Variants in RB1CC1 observed in about 807,000 individuals in gnomAD.
RB1CC1 encodes the protein RB1-inducible coiled-coil protein 1.
In RB1CC1, 46 loss-of-function variants were observed where a neutral mutation model predicts 177.5. The observed-to-expected ratio is 0.26, with a 90% CI of 0.20 to 0.33. RB1CC1 has a LOEUF of 0.33. RB1CC1 is among the 10% of genes least tolerant of loss of function. The pLI, the probability that RB1CC1 is intolerant of heterozygous loss-of-function variation, is 1.00. For missense variants in RB1CC1, 1,703 were observed against 1,816.3 expected, an observed-to-expected ratio of 0.94 and a Z score of 1.13; for synonymous variants, 666 against 613.6, an observed-to-expected ratio of 1.09 and a Z score of -1.26.
At chr8:52,626,300 C>T (rs1848384993) in intron 22 of RB1CC1, among the ~76,000 whole-genome samples, 1 of 152,132 alleles carries the variant, frequency 6.6e-6, no homozygotes, top group Non-Finnish European at 1.5e-5. Flanking sequence ...TTCTGCAGTA[C>T]TTGTGAAAGC....
intron 15 of RB1CC1, among the ~76,000 whole-genome samples, chr8:52,647,400 C>T (rs940429416): frequency 2.6e-5 from 4 of 151,898 alleles, no homozygotes; most frequent in Non-Finnish European, 2.9e-5. Context: ...TTAATTAAGG[C>T]GAAGGATTTA....
At chr8:52,707,159 C>T (rs1856635253) in intron 1 of RB1CC1, among the ~76,000 whole-genome samples, 1 of 152,184 alleles carries the variant, frequency 6.6e-6, no homozygotes, top group Non-Finnish European at 1.5e-5. Context: ...ATAATCTATA[C>T]ATATATGGAA....
chr8:52,635,917 A>G (rs1395794314), intron 19 of RB1CC1, 98 bp downstream of exon 19: 3 of 1,418,172 alleles, frequency 2.1e-6, no homozygotes, highest in Admixed American at 2.5e-5. Flanking sequence ...CTTAATTTAT[A>G]AACACAAATA....
chr8:52,644,987 T>C (rs1443412878), intron 16 of RB1CC1, among the ~76,000 whole-genome samples: 1 of 152,194 alleles, frequency 6.6e-6, no homozygotes, highest in East Asian at 1.9e-4. Flanking sequence ...TCTTTCTCCA[T>C]GTTCCAGTGG....
At chr8:52,699,828 AAAATATAT>A (rs1175998084) in intron 1 of RB1CC1, among the ~76,000 whole-genome samples, 5 of 49,468 alleles carry the variant, frequency 1.0e-4, no homozygotes, top group South Asian at 1.3e-3. Flanking sequence ...AAAAAAAAAA[AAAATATAT>A]ATATATATAT....
intron 20 of RB1CC1, among the ~76,000 whole-genome samples, chr8:52,631,048 G>A (rs1372606848): frequency 6.6e-6 from 1 of 152,170 alleles, no homozygotes; most frequent in Non-Finnish European, 1.5e-5. Context: ...CCTATTGGCT[G>A]GGGTTGGACC....
intron 8 of RB1CC1, among the ~76,000 whole-genome samples, chr8:52,667,056 C>T (rs1300222783): frequency 6.6e-6 from 1 of 152,054 alleles, no homozygotes; most frequent in African/African-American, 2.4e-5. Context: ...CAAAGAATGC[C>T]ACATCTTGGC....
chr8:52,692,638 C>T (rs1004853062), intron 1 of RB1CC1, among the ~76,000 whole-genome samples: 1 of 152,114 alleles, frequency 6.6e-6, no homozygotes, highest in Non-Finnish European at 1.5e-5. Flanking sequence ...GAAAAAAGAA[C>T]ATGAACATAC....
chr8:52,675,734 A>AAAAAAAAAAAC (rs1853055531), intron 6 of RB1CC1, among the ~76,000 whole-genome samples: 1 of 149,980 alleles, frequency 6.7e-6, no homozygotes. Context: ...AAAAAAAAAA[A>AAAAAAAAAAAC]AAATTAGCTG....
Position 52,656,669 on chromosome 8 carries a change from A to C in RB1CC1, c.3160T>G (p.Ser1054Ala), listed in dbSNP as rs780622176. 12 of 1,613,950 alleles carry C rather than the reference A, an allele frequency of 7.4e-6. No homozygotes were observed. The South Asian group carries it at 1.3e-4, about 18-fold the overall frequency. ...ACCTCTAACTTGCATCTCGTGTCTG[A>C]CAAATCAGAAACCTTGAGTTTTAAT... ...QELKLKVSDL[S>A]DTRCKLEVEL... The change falls in exon 15 of 24, where the codon TCA (serine) becomes GCA (alanine). Residue 1054 changes from serine (S) to alanine (A), a missense_variant. Ser to Ala is a moderately conservative substitution (Grantham distance 99). Coordinates refer to ENST00000025008, the MANE Select transcript of RB1CC1 (RefSeq NM_014781.5).
chr8:52,687,925 T>C (rs1449094911), intron 1 of RB1CC1, among the ~76,000 whole-genome samples: 1 of 152,214 alleles, frequency 6.6e-6, no homozygotes, highest in Non-Finnish European at 1.5e-5. Context: ...TTGTGGGAAG[T>C]CAGGGACCCC....
At chr8:52,670,327 AACCACAG>A (rs1852452815) in intron 7 of RB1CC1, among the ~76,000 whole-genome samples, 1 of 152,236 alleles carries the variant, frequency 6.6e-6, no homozygotes, top group Non-Finnish European at 1.5e-5. Context: ...CATATATGTA[AACCACAG>A]AATCTCATTA....
intron 15 of RB1CC1, among the ~76,000 whole-genome samples, chr8:52,653,802 G>C (rs1244502191): frequency 1.3e-5 from 2 of 152,154 alleles, no homozygotes; most frequent in Non-Finnish European, 2.9e-5. Flanking sequence ...GATCCAATGA[G>C]CATTTCCTTT....
rs1848140899 is a variant in RB1CC1, at chr8:52,622,728, T to C, written c.*1054A>G. ...AAAGATCTAGTTTACACAATTCTAT[T>C]CTACATAACACTGTTTACCCTGTTA... On this transcript the variant is annotated 3_prime_UTR_variant, in exon 24 of 24. Coordinates refer to ENST00000025008, the MANE Select transcript of RB1CC1 (RefSeq NM_014781.5). The C allele has an allele frequency of 6.6e-6, 1 of 152,044 alleles. No individual in the cohort carries two copies. Among genetic ancestry groups the C allele is most frequent in the Non-Finnish European group, 1.5e-5 (1 of 67,568 alleles). The allele number at this position is 152,044 out of a possible 1,614,324, so 9.4% of individuals were successfully genotyped here. A position where few individuals can be genotyped will look rare whatever the true frequency, so the allele number is the denominator to read the frequency against.
chr8:52,642,427 A>T lies in RB1CC1; in HGVS notation c.4261T>A (p.Ser1421Thr). 6.2e-7 allele frequency: 1 copy of T among 1,614,024 alleles called. No individual in the cohort carries two copies. The highest frequency in any genetic ancestry group is 8.5e-7 in the Non-Finnish European group (1 of 1,179,972). ...GCTGTTTCCACAGCGGATCTATCTG[A>T]TTCACCTGGGAGTTCAGGTGCACAA... ...GACAPELPGESDRSAVETADE... is the reference protein window; with the variant it reads ...GACAPELPGETDRSAVETADE... Residue 1421 changes from serine (S) to threonine (T), a missense_variant, in exon 18 of 24, where the codon TCA becomes ACA. Physicochemically the swap from Ser to Thr is moderately conservative, Grantham distance 58. This residue lies in a region of RB1CC1 where 1,169 missense variants were observed against 1,184.7 expected (regional missense o/e 0.99). Transcript: ENST00000025008.
chr8:52,669,080 A>C (rs571020843), intron 7 of RB1CC1, among the ~76,000 whole-genome samples: 1 of 152,184 alleles, frequency 6.6e-6, no homozygotes, highest in Non-Finnish European at 1.5e-5. Context: ...GATCAGTCTC[A>C]CAGATTCTCA....
intron 1 of RB1CC1, among the ~76,000 whole-genome samples, chr8:52,698,670 G>GTTTTTTTTTTTT (rs1183407164): frequency 1.0e-4 from 8 of 77,464 alleles, no homozygotes; most frequent in Non-Finnish European, 1.2e-4. Flanking sequence ...GTAATGGTTG[G>GTTTTTTTTTTTT]TTTTTTTTTT....
chr8:52,626,413 G>A (rs1446590070), intron 22 of RB1CC1, among the ~76,000 whole-genome samples: 4 of 152,110 alleles, frequency 2.6e-5, no homozygotes, highest in Non-Finnish European at 5.9e-5. Context: ...AAGGTAATGG[G>A]CTAAGATGTA....
intron 1 of RB1CC1, among the ~76,000 whole-genome samples, chr8:52,698,701 T>G (rs1591126436): frequency 1.1e-4 from 1 of 8,956 alleles, no homozygotes; most frequent in African/African-American, 4.3e-4. Flanking sequence ...TTTTTTTTTT[T>G]TTTTTTTTTT....
Sources: gnomAD v4.1 joint callset for allele counts (sites outside exome capture counted in the v4.1 genomes callset) on GRCh38, gnomAD v4.1.1 for gene constraint, gnomAD v4.1.1 regional missense constraint, MANE v1.5 for transcripts, NCBI Gene and HGNC (gene_info 2026-07-23, HGNC 2026-07-21) for gene names.